The following MALT1 variants were observed in gnomAD, a reference collection of about 807,000 sequenced individuals.
MALT1 encodes MALT1 paracaspase.
In MALT1, 36 loss-of-function variants were observed where a neutral mutation model predicts 85.5. The observed-to-expected ratio is 0.42, with a 90% CI of 0.32 to 0.56. The LOEUF (loss-of-function observed/expected upper bound fraction) is 0.56. MALT1 is among the 20% of genes least tolerant of loss of function. The pLI is 0.10. For missense variants in MALT1, 716 were observed against 981.6 expected, an observed-to-expected ratio of 0.73 and a Z score of 3.62; for synonymous variants, 359 against 361.3, an observed-to-expected ratio of 0.99 and a Z score of 0.07.
intron 10 of MALT1, among the ~76,000 whole-genome samples, chr18:58,729,751 A>G (rs1449894784): frequency 2.6e-5 from 4 of 152,228 alleles, no homozygotes; most frequent in Non-Finnish European, 5.9e-5. Flanking sequence ...CCCAAATCCA[A>G]AACACTCCTG....
chr18:58,750,223 T>C lies in MALT1; in HGVS notation c.*2381T>C, dbSNP rs535818310. 1 of 171,182 alleles carries C rather than the reference T, an allele frequency of 5.8e-6. No individual in the cohort carries two copies. The highest frequency in any genetic ancestry group is 2.0e-4 in the South Asian group (1 of 4,978). 10.6% of individuals were successfully genotyped at this position (171,182 alleles called of 1,614,324 possible). ...TAAAGAAATCCTATATACAGTAGCA[T>C]CAAGAATAAAACTCCAACACGTTTA... On this transcript the variant is annotated 3_prime_UTR_variant, in exon 17 of 17. Coordinates refer to ENST00000649217, the MANE Select transcript of MALT1 (RefSeq NM_006785.4).
intron 1 of MALT1, among the ~76,000 whole-genome samples, chr18:58,672,056 C>T (rs1297870594): frequency 4.6e-5 from 7 of 152,142 alleles, no homozygotes; most frequent in Non-Finnish European, 1.0e-4. Context: ...GGGCCCAGGG[C>T]TCTGGAGGGT....
At chr18:58,727,628 G>GTGTTTTTTTTT (rs2055080682) in intron 10 of MALT1, among the ~76,000 whole-genome samples, 1 of 130,644 alleles carries the variant, frequency 7.7e-6, no homozygotes, top group African/African-American at 3.0e-5. Flanking sequence ...TTTTTTTTTT[G>GTGTTTTTTTTT]TTTTTTTTTT....
intron 13 of MALT1, among the ~76,000 whole-genome samples, chr18:58,737,557 A>C (rs1157747810): frequency 2.6e-5 from 4 of 152,054 alleles, no homozygotes; most frequent in Non-Finnish European, 5.9e-5. Flanking sequence ...GGGGAAAATA[A>C]ACATGTTACC....
intron 9 of MALT1, among the ~76,000 whole-genome samples, chr18:58,717,438 A>G (rs1018180748): frequency 1.3e-5 from 2 of 152,154 alleles, no homozygotes; most frequent in African/African-American, 4.8e-5. Context: ...GCAGAGGCTT[A>G]GAGGCTAAAG....
At chr18:58,678,495 A>T (rs967859108) in intron 1 of MALT1, among the ~76,000 whole-genome samples, 15 of 152,016 alleles carry the variant, frequency 9.9e-5, no homozygotes, top group African/African-American at 3.4e-4. Flanking sequence ...GTTTAATATG[A>T]TGGGGTTTCT....
chr18:58,687,660 A>C (rs904989932), intron 2 of MALT1, among the ~76,000 whole-genome samples: 1 of 152,234 alleles, frequency 6.6e-6, no homozygotes, highest in Non-Finnish European at 1.5e-5. Context: ...ACTTCAGTGT[A>C]TGGAATAGAT....
intron 14 of MALT1, among the ~76,000 whole-genome samples, chr18:58,742,579 G>A (rs1297860590): frequency 3.9e-5 from 6 of 152,162 alleles, no homozygotes; most frequent in East Asian, 1.9e-4. Context: ...GTGGTGGCAC[G>A]TGCCTGTAAT....
At chr18:58,712,612 TTTGA>T (rs899899979) in intron 7 of MALT1, among the ~76,000 whole-genome samples, 9 of 152,238 alleles carry the variant, frequency 5.9e-5, no homozygotes, top group African/African-American at 2.2e-4. Context: ...AGTTCTAGTG[TTTGA>T]TAGCACAGTA....
chr18:58,739,710 G>A (rs2055275259), intron 13 of MALT1, among the ~76,000 whole-genome samples: 1 of 152,020 alleles, frequency 6.6e-6, no homozygotes, highest in Admixed American at 6.6e-5. Flanking sequence ...TGCATCCCCA[G>A]CCTGCCTGCC....
intron 2 of MALT1, among the ~76,000 whole-genome samples, chr18:58,693,711 G>A (rs1458280220): frequency 1.3e-5 from 2 of 152,202 alleles, no homozygotes; most frequent in Non-Finnish European, 2.9e-5. Flanking sequence ...GATGGTGGTA[G>A]GCAGTAAGAC....
intron 4 of MALT1, among the ~76,000 whole-genome samples, chr18:58,704,449 G>A (rs1354414139): frequency 6.6e-6 from 1 of 152,024 alleles, no homozygotes; most frequent in African/African-American, 2.4e-5. Flanking sequence ...ATATAGCCAT[G>A]GAAGCTTTCT....
intron 9 of MALT1, among the ~76,000 whole-genome samples, chr18:58,721,476 G>A (rs547747182): frequency 4.6e-5 from 7 of 152,214 alleles, no homozygotes; most frequent in East Asian, 1.9e-4. Context: ...TTAATAATGC[G>A]GCTTAAGTAT....
At chr18:58,737,594 C>A (rs2055241422) in intron 13 of MALT1, among the ~76,000 whole-genome samples, 1 of 151,586 alleles carries the variant, frequency 6.6e-6, no homozygotes, top group Non-Finnish European at 1.5e-5. Flanking sequence ...TTTTTGGTTT[C>A]TTTGTGTGAG....
chr18:58,699,138 G>C (rs1184996383), intron 3 of MALT1, among the ~76,000 whole-genome samples: 2 of 152,210 alleles, frequency 1.3e-5, no homozygotes, highest in Non-Finnish European at 2.9e-5. Context: ...TTCAGCCCAA[G>C]TAGCCTTTGT....
intron 2 of MALT1, among the ~76,000 whole-genome samples, chr18:58,685,913 A>AT (rs930829426): frequency 1.5e-4 from 22 of 148,286 alleles, no homozygotes; most frequent in East Asian, 2.0e-4. Flanking sequence ...GTCTGTAATG[A>AT]TTTTTTTTTT....
Position 58,749,266 on chromosome 18 carries a change from A to G in MALT1, c.*1424A>G, listed in dbSNP as rs2055415059. The G allele has an allele frequency of 4.6e-6, 1 of 216,696 alleles. No individual in the cohort carries two copies. Among genetic ancestry groups the G allele is most frequent in the Non-Finnish European group, 9.3e-6 (1 of 107,762 alleles). 13.4% of individuals were successfully genotyped at this position (216,696 alleles called of 1,614,324 possible). A position where few individuals can be genotyped will look rare whatever the true frequency, so the allele number is the denominator to read the frequency against. Reference sequence around the variant, plus strand: ...GTGTGTATACATATGTTTATCTCACACACATTATGAGCTTGAATTCTTAAT... The same window carrying G: ...GTGTGTATACATATGTTTATCTCACGCACATTATGAGCTTGAATTCTTAAT... On this transcript the variant is annotated 3_prime_UTR_variant, in exon 17 of 17. Transcript: ENST00000649217.
At chr18:58,731,628 T>C (rs73451248) in intron 10 of MALT1, among the ~76,000 whole-genome samples, 25,826 of 152,260 alleles carry the variant, frequency 0.17, 2,261 homozygotes, top group Admixed American at 0.21. Context: ...TTCCCTCTCT[T>C]AAGACCATCC....
At chr18:58,736,670 T>G (rs1352531425) in intron 13 of MALT1, among the ~76,000 whole-genome samples, 1 of 152,246 alleles carries the variant, frequency 6.6e-6, no homozygotes, top group Non-Finnish European at 1.5e-5. Context: ...TGAGGATATT[T>G]GAACTTCTTA....
Sources: gnomAD v4.1 joint callset for allele counts (sites outside exome capture counted in the v4.1 genomes callset) on GRCh38, gnomAD v4.1.1 for gene constraint, MANE v1.5 for transcripts, NCBI Gene and HGNC (gene_info 2026-07-23, HGNC 2026-07-21) for gene names.